The following NEK9 variants were observed in gnomAD, a reference collection of about 807,000 sequenced individuals.
NEK9 encodes the protein NIMA related kinase 9.
A neutral mutation model predicts 123.4 loss-of-function variants in NEK9; 75 were observed. That is an observed-to-expected ratio of 0.61 (90% CI 0.50 to 0.74). The LOEUF is 0.74. Among genes scored for constraint, NEK9 ranks in the 30% least tolerant of loss-of-function variants. The pLI is 0.00. For missense variants in NEK9, 952 were observed against 1,214.4 expected (o/e 0.78, Z 3.21); for synonymous variants, 438 against 458.7 (o/e 0.95, Z 0.58).
At chr14:75,097,004 G>T in intron 17 of NEK9, 96 bp downstream of exon 17, 1 of 1,233,580 alleles carries the variant, frequency 8.1e-7, no homozygotes, top group Non-Finnish European at 1.1e-6. Flanking sequence ...GGCTTCTTCA[G>T]GACATTTCTG....
intron 19 of NEK9, among the ~76,000 whole-genome samples, chr14:75,090,649 T>G (rs1894186492): frequency 6.6e-6 from 1 of 151,998 alleles, no homozygotes; most frequent in Non-Finnish European, 1.5e-5. Flanking sequence ...TCGGCTCACT[T>G]CAGCCTCGAC....
chr14:75,102,632 G>A (rs1055281474), intron 14 of NEK9, among the ~76,000 whole-genome samples: 2 of 152,092 alleles, frequency 1.3e-5, no homozygotes, highest in Admixed American at 6.6e-5. Flanking sequence ...GATTACAGGC[G>A]TGAGCCACCG....
At chr14:75,088,200 C>G (rs1894087604) in intron 20 of NEK9, among the ~76,000 whole-genome samples, 1 of 152,156 alleles carries the variant, frequency 6.6e-6, no homozygotes, top group Non-Finnish European at 1.5e-5. Flanking sequence ...CTGCCAGTGT[C>G]ATGAAAAACT....
chr14:75,124,905 G>C (rs1166793077), intron 1 of NEK9, among the ~76,000 whole-genome samples: 2 of 150,836 alleles, frequency 1.3e-5, no homozygotes, highest in Non-Finnish European at 2.9e-5. Context: ...CCAGTAGTTG[G>C]GACTACAGGC....
Position 75,126,975 on chromosome 14 carries a change from C to G in NEK9, c.-54G>C. 7.4e-7 allele frequency: 1 copy of G among 1,356,110 alleles called. No individual in the cohort carries two copies. The highest frequency in any genetic ancestry group is 9.7e-7 in the Non-Finnish European group (1 of 1,035,750). The allele number at this position is 1,356,110 out of a possible 1,614,324, so 84.0% of individuals were successfully genotyped here. On this transcript the variant is annotated 5_prime_UTR_variant, in exon 1 of 22. Transcript: ENST00000238616. ...CCTGCGTATGCCCGGAGGCCCTGGCCGCGCTGCGTCCCGCTCGCTTCAGAT... is the reference window on the plus strand; with the variant it reads ...CCTGCGTATGCCCGGAGGCCCTGGCGGCGCTGCGTCCCGCTCGCTTCAGAT...
In NEK9 at chr14:75,083,727, C is replaced by T. The variant is rs998402141; in HGVS notation, c.*837G>A. On this transcript the variant is annotated 3_prime_UTR_variant, in exon 22 of 22. Coordinates refer to ENST00000238616, the MANE Select transcript of NEK9 (RefSeq NM_033116.6). ...AGAGGCAGCTAAAGGAGGACCTCTT[C>T]TCCTTCATGATTTTCTCTTAAGGCT... The T allele has an allele frequency of 2.6e-5, 4 of 152,186 alleles. No individual in the cohort carries two copies. Among genetic ancestry groups the T allele is most frequent in the African/African-American group, 9.7e-5 (4 of 41,448 alleles). The allele number at this position is 152,186 out of a possible 1,614,324, so 9.4% of individuals were successfully genotyped here. A position where few individuals can be genotyped will look rare whatever the true frequency, so the allele number is the denominator to read the frequency against.
At position 75,106,694 on chromosome 14, in the gene NEK9, G is replaced by A. The variant is rs1348050346; in HGVS notation, c.1336C>T (p.Gln446Ter). ...DFTVCVTDEGQLYAFGSDYYG... is the reference protein window; with the variant it reads ...DFTVCVTDEG ...TAATCTGATCCGAAGGCATAGAGCT[G>A]ACCCTCATCTGCAAAAGAAAGGAAA... is the stretch of plus-strand genomic sequence containing the variant. The change falls in exon 12 of 22, where the codon CAG becomes TAG. Residue 446 changes from glutamine to a stop codon, truncating the protein, a stop_gained. Coordinates refer to ENST00000238616, the MANE Select transcript of NEK9 (RefSeq NM_033116.6). LOFTEE classifies it high-confidence loss of function. 6.2e-7 allele frequency: 1 copy of A among 1,608,318 alleles called. No individual in the cohort carries two copies.
At chr14:75,090,277 C>CTTTTTTTTTT (rs543579822) in intron 19 of NEK9, among the ~76,000 whole-genome samples, 1 of 118,868 alleles carries the variant, frequency 8.4e-6, no homozygotes, top group Non-Finnish European at 1.8e-5. Context: ...CATGCTCGGT[C>CTTTTTTTTTT]TTTTTTTTTT....
In NEK9 at chr14:75,126,735, A is replaced by G; in HGVS notation, c.187T>C (p.Phe63Leu). 1 of 1,487,304 alleles carries G rather than the reference A, an allele frequency of 6.7e-7. No individual in the cohort carries two copies. The highest frequency in any genetic ancestry group is 8.9e-7 in the Non-Finnish European group (1 of 1,119,578). 92.1% of individuals were successfully genotyped at this position (1,487,304 alleles called of 1,614,324 possible). The change falls in exon 1 of 22, where the codon TTC (phenylalanine) becomes CTC (leucine). Residue 63 changes from phenylalanine to leucine, a missense_variant. Transcript: ENST00000238616. Reference protein sequence around the residue: ...IPIRVLGRGAFGEATLYRRTE... With the variant: ...IPIRVLGRGALGEATLYRRTE... ...CGGCGGTACAGCGTGGCTTCCCCGA[A>G]GGCGCCGCGGCCCAGGACGCGGATG...
chr14:75,118,019 TTAAC>T (rs1378571038), intron 5 of NEK9, among the ~76,000 whole-genome samples: 2 of 152,170 alleles, frequency 1.3e-5, no homozygotes, highest in African/African-American at 4.8e-5. Flanking sequence ...TTCTTTGCAT[TTAAC>T]TAGCTAAAAA....
intron 18 of NEK9, among the ~76,000 whole-genome samples, chr14:75,095,154 CG>C (rs1347028771): frequency 3.3e-5 from 5 of 152,166 alleles, no homozygotes; most frequent in Non-Finnish European, 7.3e-5. Context: ...CTTGCATATG[CG>C]TTGGAGGCAA....
chr14:75,086,724 G>A (rs1392808766), intron 21 of NEK9: 2 of 325,818 alleles, frequency 6.1e-6, no homozygotes, highest in Admixed American at 3.9e-5. Flanking sequence ...TGGCCAACAC[G>A]GTGAAACCCT....
intron 18 of NEK9, among the ~76,000 whole-genome samples, chr14:75,093,976 C>G (rs977600144): frequency 6.6e-6 from 1 of 152,196 alleles, no homozygotes; most frequent in Non-Finnish European, 1.5e-5. Flanking sequence ...AATCCCTGCT[C>G]TTCCTCGAGT....
intron 19 of NEK9, 38 bp from the exon 20 acceptor site, chr14:75,088,679 A>C (rs768606131): frequency 6.3e-7 from 1 of 1,588,354 alleles, no homozygotes; most frequent in South Asian, 1.1e-5. Flanking sequence ...GTCTGTTTGC[A>C]GTATTTGCTT....
intron 10 of NEK9, among the ~76,000 whole-genome samples, chr14:75,109,314 G>C (rs1395211963): frequency 6.6e-6 from 1 of 152,100 alleles, no homozygotes; most frequent in Non-Finnish European, 1.5e-5. Flanking sequence ...TCCTTCCTTT[G>C]TTTACAAAGC....
intron 2 of NEK9, among the ~76,000 whole-genome samples, chr14:75,121,968 A>C (rs1895351299): frequency 6.6e-6 from 1 of 152,262 alleles, no homozygotes; most frequent in Non-Finnish European, 1.5e-5. Context: ...AATATTTCCC[A>C]AAATTTAGGG....
chr14:75,103,890 G>C lies in NEK9; in HGVS notation c.1683C>G (p.Phe561Leu), dbSNP rs1025139138. Residue 561 changes from phenylalanine to leucine, a missense_variant, in exon 14 of 22, where the codon TTC becomes TTG. By Grantham distance (22) the Phe-to-Leu change is conservative (BLOSUM62 0). Coordinates refer to ENST00000238616, the MANE Select transcript of NEK9 (RefSeq NM_033116.6). ...TGCACTGATTCAGACCCAGCTTATT[G>C]AATTCATTGAGTCCACAGGCCAGCA... ...GKVLACGLNE[F>L]NKLGLNQCMS... 6.2e-7 allele frequency: 1 copy of C among 1,613,898 alleles called. No homozygotes were observed. The highest frequency in any genetic ancestry group is 1.7e-5 in the Admixed American group (1 of 59,978).
rs1247668437 is a variant in NEK9 at position 75,081,467 on chromosome 14, T to A, written c.*3097A>T. The A allele has an allele frequency of 1.3e-5, 2 of 152,264 alleles. No homozygotes were observed. The highest frequency in any genetic ancestry group is 2.9e-5 in the Non-Finnish European group (2 of 68,050). 9.4% of individuals were successfully genotyped at this position (152,264 alleles called of 1,614,324 possible). A position where few individuals can be genotyped will look rare whatever the true frequency, so the allele number is the denominator to read the frequency against. ...TGAAACAATAAATGATTTTTGGCTTTGCAGCAGTTAGGAACATGTTTTATA... is the reference window on the plus strand; with the variant it reads ...TGAAACAATAAATGATTTTTGGCTTAGCAGCAGTTAGGAACATGTTTTATA... On this transcript the variant is annotated 3_prime_UTR_variant, in exon 22 of 22. Coordinates refer to ENST00000238616, the MANE Select transcript of NEK9 (RefSeq NM_033116.6). This position sits in a 1 kb window ranked among gnomAD's most constrained non-coding sequence, Gnocchi z 4.2.
At chr14:75,089,616 A>G (rs952793934) in intron 19 of NEK9, among the ~76,000 whole-genome samples, 3 of 151,780 alleles carry the variant, frequency 2.0e-5, no homozygotes, top group African/African-American at 7.3e-5. Flanking sequence ...GCTCACTGCA[A>G]CCTTCGCCTC....
Sources: allele counts gnomAD v4.1 joint callset (sites outside exome capture counted in the v4.1 genomes callset), GRCh38; gene constraint gnomAD v4.1.1; non-coding constraint Gnocchi (gnomAD v3.1); transcripts MANE v1.5; gene names NCBI Gene and HGNC (gene_info 2026-07-23, HGNC 2026-07-21).